The following RBMS3 variants were observed in gnomAD, a reference collection of about 807,000 sequenced individuals.
RBMS3 encodes RNA binding motif single stranded interacting protein 3.
Under a neutral mutation model 66.8 loss-of-function variants are expected in RBMS3, and 27 were observed. The observed-to-expected ratio is 0.40, with a 90% CI of 0.30 to 0.56. The LOEUF is 0.56. Among genes scored for constraint, RBMS3 ranks in the 20% least tolerant of loss-of-function variants. The pLI, the probability that RBMS3 is intolerant of heterozygous loss-of-function variation, is 0.40. For missense variants in RBMS3, 513 were observed against 549.5 expected (o/e 0.93, Z 0.66); for synonymous variants, 188 against 183.0 (o/e 1.03, Z -0.22).
chr3:30,003,285 T>C, intron 14 of RBMS3, among the ~76,000 whole-genome samples: 1 of 152,104 alleles, frequency 6.6e-6, no homozygotes, highest in East Asian at 1.9e-4. Context: ...ACCTATTGTG[T>C]ATATACCACT....
chr3:29,883,124 C>A (rs912841556), intron 7 of RBMS3, among the ~76,000 whole-genome samples: 1 of 152,016 alleles, frequency 6.6e-6, no homozygotes, highest in African/African-American at 2.4e-5. Context: ...ACATTGTAAG[C>A]ATTGTAAGTA....
intron 1 of RBMS3, among the ~76,000 whole-genome samples, chr3:29,283,720 G>A (rs1332077055): frequency 6.6e-6 from 1 of 152,138 alleles, no homozygotes; most frequent in Admixed American, 6.6e-5. Flanking sequence ...GGATAGTAGG[G>A]AATATAAGAT....
rs1025331220 is a variant in RBMS3, at chr3:30,007,997, C to G, written c.*4135C>G. 6.6e-6 allele frequency: 1 copy of G among 151,882 alleles called. No homozygotes were observed. The highest frequency in any genetic ancestry group is 1.5e-5 in the Non-Finnish European group (1 of 67,936). The allele number at this position is 151,882 out of a possible 1,614,324, so 9.4% of individuals were successfully genotyped here. On this transcript the variant is annotated 3_prime_UTR_variant, in exon 15 of 15. Coordinates refer to ENST00000383767, the MANE Select transcript of RBMS3 (RefSeq NM_001003793.3). ...GGAATTTCACTTTATTTTACTATGC[C>G]TAAAAATACATCTTTGGACCCCTTG...
intron 7 of RBMS3, among the ~76,000 whole-genome samples, chr3:29,871,460 T>G (rs1281698508): frequency 6.6e-6 from 1 of 152,156 alleles, no homozygotes; most frequent in Non-Finnish European, 1.5e-5. Flanking sequence ...CTTTGGTGTC[T>G]GTTTTTAATG....
intron 3 of RBMS3, among the ~76,000 whole-genome samples, chr3:29,585,462 T>C (rs191094063): frequency 5.5e-4 from 83 of 152,266 alleles, no homozygotes; most frequent in African/African-American, 1.9e-3. Flanking sequence ...CTTCAAATCC[T>C]GGATCTGCTC....
intron 1 of RBMS3, among the ~76,000 whole-genome samples, chr3:29,392,598 T>C (rs1033363492): frequency 6.6e-6 from 1 of 152,214 alleles, no homozygotes; most frequent in Admixed American, 6.5e-5. Flanking sequence ...CCTTAAAGCT[T>C]TTAAACCTTT....
chr3:29,519,360 TGGAAG>T (rs995945312), intron 3 of RBMS3, among the ~76,000 whole-genome samples: 1 of 152,110 alleles, frequency 6.6e-6, no homozygotes, highest in Non-Finnish European at 1.5e-5. Context: ...CGTTGGGTGA[TGGAAG>T]GGACAGATGT....
intron 1 of RBMS3, among the ~76,000 whole-genome samples, chr3:29,291,580 G>A (rs1173307580): frequency 6.6e-6 from 1 of 151,724 alleles, no homozygotes; most frequent in Non-Finnish European, 1.5e-5. Context: ...TAGGGGAGTA[G>A]GCAAGAGGCA....
intron 1 of RBMS3, among the ~76,000 whole-genome samples, chr3:29,324,219 A>C (rs2035184271): frequency 5.3e-5 from 8 of 152,166 alleles, no homozygotes; most frequent in Admixed American, 4.6e-4. Context: ...GGAAGGACCC[A>C]GTTAGAACCA....
At chr3:29,776,400 AC>A (rs2056427875) in intron 6 of RBMS3, among the ~76,000 whole-genome samples, 1 of 151,766 alleles carries the variant, frequency 6.6e-6, no homozygotes, top group African/African-American at 2.4e-5. Flanking sequence ...GCACCCATTA[AC>A]TCGTCATTTA....
At chr3:29,477,133 T>G (rs772633285) in intron 2 of RBMS3, among the ~76,000 whole-genome samples, 1 of 152,144 alleles carries the variant, frequency 6.6e-6, no homozygotes, top group African/African-American at 2.4e-5. Flanking sequence ...AATACAAATT[T>G]CATAAAGTAT....
intron 1 of RBMS3, among the ~76,000 whole-genome samples, chr3:29,321,440 A>G (rs1470150974): frequency 2.6e-5 from 4 of 152,166 alleles, no homozygotes; most frequent in Non-Finnish European, 4.4e-5. Context: ...AAGATATCAG[A>G]TTGCAATGCA....
intron 6 of RBMS3, among the ~76,000 whole-genome samples, chr3:29,804,833 T>C (rs1032331274): frequency 1.3e-5 from 2 of 151,990 alleles, no homozygotes; most frequent in African/African-American, 4.8e-5. Flanking sequence ...GATGTATAAA[T>C]AAAGATACTA....
At chr3:29,574,728 T>A (rs2047058465) in intron 3 of RBMS3, among the ~76,000 whole-genome samples, 1 of 150,686 alleles carries the variant, frequency 6.6e-6, no homozygotes, top group African/African-American at 2.5e-5. Flanking sequence ...GTGTATCCAT[T>A]GTGTGTTTTT....
At chr3:29,649,132 A>G (rs1402364819) in intron 4 of RBMS3, among the ~76,000 whole-genome samples, 1 of 152,180 alleles carries the variant, frequency 6.6e-6, no homozygotes, top group East Asian at 1.9e-4. Context: ...TATAAGCACT[A>G]CTTTTTCCCA....
intron 9 of RBMS3, among the ~76,000 whole-genome samples, chr3:29,897,680 G>A (rs1459504839): frequency 6.6e-6 from 1 of 151,580 alleles, no homozygotes; most frequent in African/African-American, 2.4e-5. Context: ...AATCCACTAT[G>A]CTTTTCATTC....
At chr3:29,991,353 G>C in intron 14 of RBMS3, 144 bp downstream of exon 14, 1 of 1,414,818 alleles carries the variant, frequency 7.1e-7, no homozygotes, top group Non-Finnish European at 9.4e-7. Context: ...GATTATGTGG[G>C]TTTGAAATTT....
intron 3 of RBMS3, among the ~76,000 whole-genome samples, chr3:29,563,966 A>G (rs1184493408): frequency 6.6e-6 from 1 of 150,884 alleles, no homozygotes; most frequent in Non-Finnish European, 1.5e-5. Flanking sequence ...GTAGTGAGCT[A>G]TGGTCACACC....
intron 3 of RBMS3, among the ~76,000 whole-genome samples, chr3:29,548,654 A>G (rs960202731): frequency 6.6e-6 from 1 of 152,130 alleles, no homozygotes; most frequent in Admixed American, 6.6e-5. Flanking sequence ...CTATAAACTT[A>G]TTGTTGAATA....
Sources: gnomAD v4.1 joint callset for allele counts (sites outside exome capture counted in the v4.1 genomes callset) on GRCh38, gnomAD v4.1.1 for gene constraint, MANE v1.5 for transcripts, NCBI Gene and HGNC (gene_info 2026-07-23, HGNC 2026-07-21) for gene names.